The following GOLM2 variants were observed in gnomAD, a reference collection of about 807,000 sequenced individuals.
GOLM2 encodes golgi membrane protein 2, also known as protein GOLM2.
In GOLM2, 26 loss-of-function variants were observed where a neutral mutation model predicts 55.9. The observed-to-expected ratio is 0.47, with a 90% CI of 0.34 to 0.65. GOLM2 has a LOEUF of 0.65. Ranked by LOEUF, GOLM2 falls within the 30% of genes least tolerant of loss-of-function variation. GOLM2 has a pLI of 0.01. For missense variants in GOLM2, 486 were observed against 531.8 expected, an observed-to-expected ratio of 0.91 and a Z score of 0.85; for synonymous variants, 165 against 194.6, an observed-to-expected ratio of 0.85 and a Z score of 1.27.
At chr15:44,375,744 G>T (rs1056528073) in intron 6 of GOLM2, among the ~76,000 whole-genome samples, 1 of 152,136 alleles carries the variant, frequency 6.6e-6, no homozygotes, top group Non-Finnish European at 1.5e-5. Context: ...TCACACTGGT[G>T]CACTCCAGCC....
chr15:44,306,536 A>C lies in GOLM2; in HGVS notation c.328-16429A>C, dbSNP rs142941113. On this transcript the variant is annotated intron_variant, in intron 1 of 9. Transcript: ENST00000299957. ...TTCTCGTTATTCATGTGTTCACTAA[A>C]GTAACACTTTGAATTTCCTTAAAGA... Among the ~76,000 whole-genome samples the C allele has an allele frequency of 6.6e-5, 10 of 152,336 alleles. No homozygotes were observed. In the East Asian group the frequency reaches 1.7e-3, roughly 26 times the overall value.
intron 6 of GOLM2, among the ~76,000 whole-genome samples, chr15:44,341,351 A>G (rs949832773): frequency 1.3e-5 from 2 of 152,164 alleles, no homozygotes; most frequent in Non-Finnish European, 2.9e-5. Flanking sequence ...AAGTGCTGGG[A>G]TTACAGGCGT....
At chr15:44,308,862 A>T (rs2078855814) in intron 1 of GOLM2, among the ~76,000 whole-genome samples, 1 of 152,228 alleles carries the variant, frequency 6.6e-6, no homozygotes, top group South Asian at 2.1e-4. Flanking sequence ...CCTACAGAGT[A>T]GGAGAAGATA....
intron 6 of GOLM2, among the ~76,000 whole-genome samples, chr15:44,376,881 A>G (rs2079368477): frequency 6.6e-6 from 1 of 152,164 alleles, no homozygotes; most frequent in Non-Finnish European, 1.5e-5. Context: ...ATAAATAAAT[A>G]CCTTTCTCCT....
chr15:44,396,766 G>A (rs2079529625), intron 8 of GOLM2, among the ~76,000 whole-genome samples: 1 of 152,138 alleles, frequency 6.6e-6, no homozygotes, highest in African/African-American at 2.4e-5. Flanking sequence ...TCATATACAT[G>A]CCATACATGC....
chr15:44,329,500 C>T (rs768517875), intron 3 of GOLM2, among the ~76,000 whole-genome samples: 5 of 152,214 alleles, frequency 3.3e-5, no homozygotes, highest in East Asian at 1.9e-4. Flanking sequence ...AAAGATTTAA[C>T]GTATGTACAG....
At chr15:44,363,511 T>C (rs1367720457) in intron 6 of GOLM2, among the ~76,000 whole-genome samples, 4 of 152,146 alleles carry the variant, frequency 2.6e-5, no homozygotes, top group Non-Finnish European at 1.5e-5. Flanking sequence ...CTCACACCAG[T>C]TAGAATGGCA....
intron 6 of GOLM2, among the ~76,000 whole-genome samples, chr15:44,378,796 A>T (rs955511142): frequency 6.6e-6 from 1 of 151,670 alleles, no homozygotes; most frequent in African/African-American, 2.4e-5. Context: ...CCCAGGTTGC[A>T]GTGCAATGGC....
intron 6 of GOLM2, among the ~76,000 whole-genome samples, chr15:44,343,980 G>GTGGC (rs1166411154): frequency 6.6e-6 from 1 of 151,866 alleles, no homozygotes; most frequent in Non-Finnish European, 1.5e-5. Flanking sequence ...GCCGGGCACA[G>GTGGC]TGGCTCACGT....
intron 8 of GOLM2, among the ~76,000 whole-genome samples, chr15:44,388,395 G>C (rs1236031775): frequency 6.6e-6 from 1 of 152,066 alleles, no homozygotes; most frequent in Non-Finnish European, 1.5e-5. Context: ...GAGACAGGTG[G>C]CCTGGCACAG....
chr15:44,347,639 C>T (rs976637459), intron 6 of GOLM2, among the ~76,000 whole-genome samples: 3 of 152,244 alleles, frequency 2.0e-5, no homozygotes, highest in African/African-American at 7.2e-5. Flanking sequence ...AGAAGGACTG[C>T]AACCCCCAGG....
chr15:44,376,851 C>G (rs762385483), intron 6 of GOLM2, among the ~76,000 whole-genome samples: 1 of 152,048 alleles, frequency 6.6e-6, no homozygotes, highest in Non-Finnish European at 1.5e-5. Flanking sequence ...GGGAAGCCCT[C>G]TAACTATTCT....
chr15:44,295,917 TACACACACAC>T (rs71421830), intron 1 of GOLM2, among the ~76,000 whole-genome samples: 23 of 143,062 alleles, frequency 1.6e-4, no homozygotes, highest in Admixed American at 1.3e-3. Flanking sequence ...CCACCACACA[TACACACACAC>T]ACACACACAC....
chr15:44,405,626 C>CTT (rs1374343077), intron 9 of GOLM2, among the ~76,000 whole-genome samples: 1 of 147,624 alleles, frequency 6.8e-6, no homozygotes, highest in African/African-American at 2.5e-5. Context: ...TGTTTTTTTG[C>CTT]TTTTTTTTTT....
At chr15:44,296,184 G>C (rs2078755410) in intron 1 of GOLM2, among the ~76,000 whole-genome samples, 1 of 152,200 alleles carries the variant, frequency 6.6e-6, no homozygotes, top group Non-Finnish European at 1.5e-5. Flanking sequence ...CTTCTGAGTA[G>C]CTGAAACTAC....
At chr15:44,290,546 G>A (rs2078713130) in intron 1 of GOLM2, among the ~76,000 whole-genome samples, 1 of 152,114 alleles carries the variant, frequency 6.6e-6, no homozygotes. Flanking sequence ...ACATAGACAT[G>A]CTATGATAGG....
Position 44,413,824 on chromosome 15 carries a change from T to TG in GOLM2, c.*418_*419insG, listed in dbSNP as rs1267650199. ...ATACTCTAATTCTTTTTTTTTTTTT[T>TG]TTTGAGACAGAGTTTTAGTCTTGTT... On this transcript the variant is annotated 3_prime_UTR_variant, in exon 10 of 10. Transcript: ENST00000299957. 1 of 152,416 alleles carries TG rather than the reference T, an allele frequency of 6.6e-6. No homozygotes were observed. Among genetic ancestry groups the TG allele is most frequent in the Non-Finnish European group, 1.5e-5 (1 of 68,452 alleles). The allele number at this position is 152,416 out of a possible 1,614,324, so 9.4% of individuals were successfully genotyped here. A position where few individuals can be genotyped will look rare whatever the true frequency, so the allele number is the denominator to read the frequency against.
intron 6 of GOLM2, among the ~76,000 whole-genome samples, chr15:44,349,489 A>G (rs986152024): frequency 6.6e-6 from 1 of 152,250 alleles, no homozygotes; most frequent in Admixed American, 6.5e-5. Flanking sequence ...ACCCTGATAC[A>G]TAAAGCAAAT....
intron 6 of GOLM2, among the ~76,000 whole-genome samples, chr15:44,353,480 C>T (rs536409131): frequency 6.6e-6 from 1 of 152,192 alleles, no homozygotes. Flanking sequence ...TATTTGCACT[C>T]TCTTGTTTAT....
Sources: gnomAD v4.1 joint callset for allele counts (sites outside exome capture counted in the v4.1 genomes callset) on GRCh38, gnomAD v4.1.1 for gene constraint, MANE v1.5 for transcripts, NCBI Gene and HGNC (gene_info 2026-07-23, HGNC 2026-07-21) for gene names.